Variants in ANAPC10 observed in about 807,000 individuals in gnomAD.
ANAPC10 encodes anaphase-promoting complex subunit 10.
Under a neutral mutation model 22.0 loss-of-function variants are expected in ANAPC10, and 12 were observed. The observed-to-expected ratio is 0.55, with a 90% CI of 0.35 to 0.88. The LOEUF (loss-of-function observed/expected upper bound fraction) is 0.88, where lower values mean the gene tolerates loss of function less well. Ranked by LOEUF, ANAPC10 falls within the 40% of genes least tolerant of loss-of-function variation. The pLI is 0.01. For missense variants in ANAPC10, 188 were observed against 220.9 expected (o/e 0.85, Z 0.94); for synonymous variants, 65 against 69.5 (o/e 0.94, Z 0.32).
intron 2 of ANAPC10, among the ~76,000 whole-genome samples, chr4:145,088,026 C>T (rs973898379): frequency 6.6e-6 from 1 of 152,086 alleles, no homozygotes; most frequent in African/African-American, 2.4e-5. Context: ...CCAGCTTGGG[C>T]AACAGAGCGA....
chr4:145,007,327 C>G (rs971638044), intron 4 of ANAPC10, among the ~76,000 whole-genome samples: 10 of 152,156 alleles, frequency 6.6e-5, no homozygotes, highest in Non-Finnish European at 1.3e-4. Flanking sequence ...CCCAGATGAA[C>G]AGAATATACA....
intron 4 of ANAPC10, among the ~76,000 whole-genome samples, chr4:145,000,942 G>A (rs1409040937): frequency 6.6e-6 from 1 of 151,942 alleles, no homozygotes; most frequent in African/African-American, 2.4e-5. Flanking sequence ...ACTATCGCAA[G>A]GACAGAAAAC....
In ANAPC10 at chr4:145,093,377, C is replaced by T. The variant is rs991264488; in HGVS notation, c.115+2608G>A. Among the ~76,000 whole-genome samples the T allele has an allele frequency of 2.0e-5, 3 of 151,756 alleles. No individual in the cohort carries two copies. In the South Asian group the frequency reaches 6.2e-4, roughly 32 times the overall value. Reference sequence around the variant, plus strand: ...AAGGACAAATGATAGAAAAAAGGCACCCATTTCAAGGTGTAAAAACTATTT... The same window carrying T: ...AAGGACAAATGATAGAAAAAAGGCATCCATTTCAAGGTGTAAAAACTATTT... On this transcript the variant is annotated intron_variant, in intron 2 of 4. Coordinates refer to ENST00000507656, the MANE Select transcript of ANAPC10 (RefSeq NM_001256706.2).
chr4:145,029,450 A>G (rs6843696), intron 4 of ANAPC10, among the ~76,000 whole-genome samples: 2,558 of 152,274 alleles, frequency 0.017, 84 homozygotes, highest in African/African-American at 0.057. Flanking sequence ...GAGGAGGTGC[A>G]CTACAACTGA....
chr4:145,097,559 C>G, intron 1 of ANAPC10: 1 of 1,286,432 alleles, frequency 7.8e-7, no homozygotes, highest in African/African-American at 1.5e-5. Flanking sequence ...GCACTTGATA[C>G]TTACTAAATA....
At chr4:145,007,382 G>T (rs932694164) in intron 4 of ANAPC10, among the ~76,000 whole-genome samples, 8 of 151,928 alleles carry the variant, frequency 5.3e-5, no homozygotes, top group African/African-American at 1.9e-4. Flanking sequence ...TGACCACATA[G>T]TTGGAAGTAA....
At chr4:145,044,319 G>C (rs1320638551) in intron 4 of ANAPC10, among the ~76,000 whole-genome samples, 1 of 152,066 alleles carries the variant, frequency 6.6e-6, no homozygotes, top group Non-Finnish European at 1.5e-5. Context: ...TTAAGATACA[G>C]AACAAGGGTA....
chr4:145,045,672 ATCT>A (rs1263059780), intron 4 of ANAPC10, among the ~76,000 whole-genome samples: 1 of 152,204 alleles, frequency 6.6e-6, no homozygotes, highest in Non-Finnish European at 1.5e-5. Flanking sequence ...TGTATACGTG[ATCT>A]TCTACACACA....
intron 4 of ANAPC10, among the ~76,000 whole-genome samples, chr4:145,015,137 T>C (rs1000309036): frequency 2.6e-5 from 4 of 151,910 alleles, no homozygotes; most frequent in Non-Finnish European, 5.9e-5. Context: ...TATTAAGCTA[T>C]TTCGAGAGGC....
intron 4 of ANAPC10, among the ~76,000 whole-genome samples, chr4:144,998,361 C>A (rs913415764): frequency 3.3e-5 from 5 of 152,028 alleles, no homozygotes; most frequent in Non-Finnish European, 7.4e-5. Flanking sequence ...TATAAAAGAA[C>A]AGAAATTATC....
chr4:145,006,056 A>C (rs2126883781), intron 4 of ANAPC10, among the ~76,000 whole-genome samples: 1 of 152,284 alleles, frequency 6.6e-6, no homozygotes, highest in East Asian at 1.9e-4. Context: ...GTGGTGTTAA[A>C]GTCTCCCCAC....
At chr4:145,067,099 T>C (rs1743817535) in intron 3 of ANAPC10, among the ~76,000 whole-genome samples, 2 of 152,194 alleles carry the variant, frequency 1.3e-5, no homozygotes, top group Non-Finnish European at 2.9e-5. Flanking sequence ...ACCAAAAGTT[T>C]AAAATAATTA....
At chr4:145,029,238 C>T (rs1737193340) in intron 4 of ANAPC10, among the ~76,000 whole-genome samples, 1 of 152,196 alleles carries the variant, frequency 6.6e-6, no homozygotes, top group Admixed American at 6.5e-5. Flanking sequence ...CCGACCCACA[C>T]TGCCATCAGT....
At chr4:145,098,007 C>T (rs1449842698) in intron 1 of ANAPC10, 113 bp downstream of exon 1, 1 of 161,404 alleles carries the variant, frequency 6.2e-6, no homozygotes, top group Non-Finnish European at 1.4e-5. Flanking sequence ...CCACTCCTGA[C>T]CCACCGGCCT....
chr4:145,046,911 C>T (rs1357287023), intron 4 of ANAPC10, among the ~76,000 whole-genome samples: 2 of 152,054 alleles, frequency 1.3e-5, no homozygotes, highest in African/African-American at 2.4e-5. Flanking sequence ...TAGCACTTTC[C>T]AACCTTGTAC....
At chr4:145,034,288 C>T (rs1738103489) in intron 4 of ANAPC10, among the ~76,000 whole-genome samples, 1 of 151,816 alleles carries the variant, frequency 6.6e-6, no homozygotes, top group South Asian at 2.1e-4. Flanking sequence ...CTAGTGGGCA[C>T]AATCTAATCA....
At chr4:145,012,018 T>C (rs961897059) in intron 4 of ANAPC10, among the ~76,000 whole-genome samples, 6 of 151,966 alleles carry the variant, frequency 3.9e-5, no homozygotes, top group African/African-American at 1.5e-4. Flanking sequence ...GCAAAGCAGC[T>C]TCCACTCAGG....
chr4:145,022,498 C>T (rs1736096472), intron 4 of ANAPC10, among the ~76,000 whole-genome samples: 1 of 151,716 alleles, frequency 6.6e-6, no homozygotes, highest in Non-Finnish European at 1.5e-5. Flanking sequence ...ATACAATGGA[C>T]TTTGGGGACT....
At chr4:145,045,609 C>T (rs966287861) in intron 4 of ANAPC10, among the ~76,000 whole-genome samples, 1 of 152,032 alleles carries the variant, frequency 6.6e-6, no homozygotes, top group Non-Finnish European at 1.5e-5. Context: ...AGATACAATA[C>T]TCCACTTTTT....
Sources: gnomAD v4.1 joint callset for allele counts (sites outside exome capture counted in the v4.1 genomes callset) on GRCh38, gnomAD v4.1.1 for gene constraint, MANE v1.5 for transcripts, NCBI Gene and HGNC (gene_info 2026-07-23, HGNC 2026-07-21) for gene names.